ATP6V1C1: variants seen among roughly 807,000 people sequenced by gnomAD.
The protein encoded by ATP6V1C1 is V-type proton ATPase subunit C 1.
ATP6V1C1 carries 45 observed loss-of-function variants against 53.9 expected under a neutral mutation model. The ratio of observed to expected loss-of-function variants is 0.83; its 90% CI spans 0.66 to 1.07. The LOEUF (loss-of-function observed/expected upper bound fraction) is 1.07. Ranked by LOEUF, ATP6V1C1 falls within the 50% of genes least tolerant of loss-of-function variation. The probability of loss-of-function intolerance (pLI) is 0.00; values close to 1 mark genes in which losing one functional copy is unlikely to be tolerated. For missense variants in ATP6V1C1, 315 were observed against 440.3 expected (o/e 0.72, Z 2.55); for synonymous variants, 153 against 155.2 (o/e 0.99, Z 0.11).
chr8:103,040,977 G>A lies in ATP6V1C1; in HGVS notation c.132+9G>A. On this transcript the variant is annotated intron_variant, in intron 2 of 12. Transcript: ENST00000518738. ...ATATTCCTGACTTAAAGGTGAAGCT[G>A]CACTGTGCAAAATTATATATGAGTT... The A allele has an allele frequency of 6.2e-7, 1 of 1,613,530 alleles. No individual in the cohort carries two copies. The highest frequency in any genetic ancestry group is 8.5e-7 in the Non-Finnish European group (1 of 1,179,640).
chr8:103,044,240 AG>A (rs1817055289), intron 3 of ATP6V1C1, among the ~76,000 whole-genome samples: 1 of 152,178 alleles, frequency 6.6e-6, no homozygotes, highest in South Asian at 2.1e-4. Flanking sequence ...ATTTTGATGA[AG>A]TCCAATTTAT....
chr8:103,063,266 C>A (rs1371015213), intron 10 of ATP6V1C1, 38 bp downstream of exon 10: 2 of 1,343,610 alleles, frequency 1.5e-6, no homozygotes, highest in South Asian at 1.4e-5. Context: ...CAGTACTAAG[C>A]AGAAGAAAAA....
intron 1 of ATP6V1C1, among the ~76,000 whole-genome samples, 183 bp from the exon 2 acceptor site, chr8:103,040,615 C>T (rs576645588): frequency 1.3e-5 from 2 of 152,040 alleles, no homozygotes; most frequent in African/African-American, 4.8e-5. Context: ...ATAAATAAAT[C>T]GTTTTTTCAC....
chr8:103,068,212 C>T (rs1282963342), intron 12 of ATP6V1C1, among the ~76,000 whole-genome samples: 1 of 152,206 alleles, frequency 6.6e-6, no homozygotes, highest in African/African-American at 2.4e-5. Context: ...TCTTGAACTC[C>T]TGGGCTCAAG....
At position 103,072,375 on chromosome 8, in the gene ATP6V1C1, G is replaced by A. The variant is rs1394274319; in HGVS notation, c.*3628G>A. On this transcript the variant is annotated 3_prime_UTR_variant, in exon 13 of 13. Transcript: ENST00000518738. Reference sequence around the variant, plus strand: ...GAAATCAAAGTAGCATATGCACAAGGTTAAAAACCACATATACAAATACTA... The same window carrying A: ...GAAATCAAAGTAGCATATGCACAAGATTAAAAACCACATATACAAATACTA... 6.6e-6 allele frequency: 1 copy of A among 152,114 alleles called. No individual in the cohort carries two copies. 9.4% of individuals were successfully genotyped at this position (152,114 alleles called of 1,614,324 possible).
intron 12 of ATP6V1C1, among the ~76,000 whole-genome samples, chr8:103,067,836 C>T (rs1420201950): frequency 2.6e-5 from 4 of 152,064 alleles, no homozygotes; most frequent in Non-Finnish European, 5.9e-5. Flanking sequence ...CCGCCCACCT[C>T]GGCCTCCCAA....
chr8:103,027,153 A>G (rs1586305913), intron 1 of ATP6V1C1, among the ~76,000 whole-genome samples: 2 of 152,220 alleles, frequency 1.3e-5, no homozygotes, highest in Non-Finnish European at 2.9e-5. Context: ...TTGGAAGGCT[A>G]TGTGATATTT....
In ATP6V1C1 at chr8:103,058,983, A is replaced by ATTT. The variant is rs367688530; in HGVS notation, c.641+3059_641+3061dup. Among the ~76,000 whole-genome samples the ATTT allele has an allele frequency of 3.4e-4, 47 of 137,552 alleles. 1 individual carries two copies. The highest frequency in any genetic ancestry group is 7.6e-3 in the Middle Eastern group (2 of 262). 90.2% of individuals were successfully genotyped at this position (137,552 alleles called of 152,430 possible). A position where few individuals can be genotyped will look rare whatever the true frequency, so the allele number is the denominator to read the frequency against. Reference sequence around the variant, plus strand: ...GTCCTTTCAGAATTACCACTTTCCTATTTTTTTTTTTTTTGTCTGCTTTTG... The same window carrying ATTT: ...GTCCTTTCAGAATTACCACTTTCCTATTTTTTTTTTTTTTTTTGTCTGCTTTTG... On this transcript the variant is annotated intron_variant, in intron 8 of 12. Coordinates refer to ENST00000518738, the MANE Select transcript of ATP6V1C1 (RefSeq NM_001695.5).
At chr8:103,035,406 T>C (rs1816876962) in intron 1 of ATP6V1C1, among the ~76,000 whole-genome samples, 1 of 152,208 alleles carries the variant, frequency 6.6e-6, no homozygotes, top group Admixed American at 6.5e-5. Context: ...GTATTCTGGC[T>C]CTCAGGGTTT....
intron 8 of ATP6V1C1, among the ~76,000 whole-genome samples, chr8:103,057,257 C>T (rs1221125425): frequency 1.3e-5 from 2 of 152,188 alleles, no homozygotes; most frequent in Non-Finnish European, 2.9e-5. Flanking sequence ...GACGTGGTAG[C>T]CTGCAGTGAG....
intron 3 of ATP6V1C1, among the ~76,000 whole-genome samples, chr8:103,047,456 A>ACG (rs1817123661): frequency 8.7e-6 from 1 of 115,498 alleles, no homozygotes; most frequent in Non-Finnish European, 1.8e-5. Flanking sequence ...ACACACACAC[A>ACG]CACACACATT....
chr8:103,040,946 A>T lies in ATP6V1C1; in HGVS notation c.110A>T (p.Lys37Met). 1.2e-6 allele frequency: 2 copies of T among 1,614,058 alleles called. No homozygotes were observed. Among genetic ancestry groups the T allele is most frequent in the South Asian group, 2.2e-5 (2 of 91,082 alleles). Residue 37 changes from lysine (K) to methionine (M), a missense_variant, in exon 2 of 13, where the codon AAG becomes ATG. By Grantham distance (95) the Lys-to-Met change is moderately conservative (BLOSUM62 -1). Coordinates refer to ENST00000518738, the MANE Select transcript of ATP6V1C1 (RefSeq NM_001695.5). ...SKNNNLAVTS[K>M]FNIPDLKVGT... ...AACAATAATCTTGCTGTCACTTCCA[A>T]GTTCAATATTCCTGACTTAAAGGTG...
chr8:103,034,316 G>A (rs982365359), intron 1 of ATP6V1C1, among the ~76,000 whole-genome samples: 24 of 152,036 alleles, frequency 1.6e-4, no homozygotes, highest in African/African-American at 4.3e-4. Context: ...GACTTCCTTC[G>A]TATTCAAGAT....
At chr8:103,039,499 C>G (rs1184392243) in intron 1 of ATP6V1C1, among the ~76,000 whole-genome samples, 2 of 152,082 alleles carry the variant, frequency 1.3e-5, no homozygotes, top group Non-Finnish European at 2.9e-5. Context: ...GTTCTCAGGA[C>G]AACTTTGTAA....
intron 1 of ATP6V1C1, among the ~76,000 whole-genome samples, chr8:103,035,127 C>G (rs1249207707): frequency 6.6e-6 from 1 of 152,078 alleles, no homozygotes; most frequent in African/African-American, 2.4e-5. Context: ...TTATCAAACC[C>G]TCTTTTTTAT....
intron 1 of ATP6V1C1, among the ~76,000 whole-genome samples, chr8:103,036,134 C>A (rs913061884): frequency 1.3e-5 from 2 of 152,172 alleles, no homozygotes; most frequent in African/African-American, 4.8e-5. Flanking sequence ...CACAGAACAT[C>A]TTTTCTCCTA....
At chr8:103,064,429 A>G (rs1201026935) in intron 10 of ATP6V1C1, 2 of 203,292 alleles carry the variant, frequency 9.8e-6, no homozygotes, top group African/African-American at 4.6e-5. Context: ...TATATTTTGT[A>G]CCATTTTAAC....
At chr8:103,047,428 G>GCACACACACA (rs1377123398) in intron 3 of ATP6V1C1, among the ~76,000 whole-genome samples, 4 of 117,584 alleles carry the variant, frequency 3.4e-5, no homozygotes, top group East Asian at 4.5e-4. Flanking sequence ...AAAAATGCGC[G>GCACACACACA]CGCACACACA....
At chr8:103,048,078 G>A (rs543457407) in intron 3 of ATP6V1C1, among the ~76,000 whole-genome samples, 1 of 152,316 alleles carries the variant, frequency 6.6e-6, no homozygotes, top group East Asian at 1.9e-4. Flanking sequence ...AGAGAACGCT[G>A]GACTCCAAAG....
Sources: gnomAD v4.1 joint callset for allele counts (sites outside exome capture counted in the v4.1 genomes callset) on GRCh38, gnomAD v4.1.1 for gene constraint, MANE v1.5 for transcripts, NCBI Gene and HGNC (gene_info 2026-07-23, HGNC 2026-07-21) for gene names.